CSMD1: variants seen among roughly 807,000 people sequenced by gnomAD.
CSMD1 encodes CUB and Sushi multiple domains 1.
In CSMD1, 213 loss-of-function variants were observed where a neutral mutation model predicts 417.5. The observed-to-expected ratio is 0.51, with a 90% confidence interval of 0.46 to 0.57. The LOEUF (loss-of-function observed/expected upper bound fraction) is 0.57, where lower values mean the gene tolerates loss of function less well. CSMD1 is among the 20% of genes least tolerant of loss of function. CSMD1 has a pLI of 0.00. For synonymous variants in CSMD1, 2,862 were observed against 1,736.8 expected, an observed-to-expected ratio of 1.65 and a Z score of -16.11; for missense variants, 6,923 against 4,529.7, an observed-to-expected ratio of 1.53 and a Z score of -15.17.
chr8:4,727,355 T>G (rs1241137202), intron 1 of CSMD1, among the ~76,000 whole-genome samples: 7 of 152,162 alleles, frequency 4.6e-5, no homozygotes, highest in Non-Finnish European at 1.5e-5. Flanking sequence ...AATAAAATGT[T>G]CACAAAAACA....
chr8:4,765,980 A>G (rs187795884), intron 1 of CSMD1, among the ~76,000 whole-genome samples: 1 of 152,198 alleles, frequency 6.6e-6, no homozygotes, highest in Non-Finnish European at 1.5e-5. Context: ...AAAGATTAAA[A>G]AATGTATTAC....
At chr8:4,328,021 G>A (rs1799654844) in intron 3 of CSMD1, among the ~76,000 whole-genome samples, 1 of 152,186 alleles carries the variant, frequency 6.6e-6, no homozygotes, top group South Asian at 2.1e-4. Flanking sequence ...AATGATAAGA[G>A]GTACTTAGCG....
rs1400537699 is a variant in CSMD1 at position 3,551,810 on chromosome 8, G to A, written c.1344+23135C>T. 2.0e-5 allele frequency among the ~76,000 whole-genome samples: 3 copies of A among 152,088 alleles called. No homozygotes were observed. In the East Asian group the frequency reaches 5.8e-4, roughly 29 times the overall value. ...AATGTGATCATGCTGAGTGTGACAT[G>A]CAGTACCTGCATCAGTCTAGACGTG... On this transcript the variant is annotated intron_variant, in intron 10 of 69. Coordinates refer to ENST00000635120, the MANE Select transcript of CSMD1 (RefSeq NM_033225.6).
chr8:3,737,112 A>G (rs1796560192), intron 6 of CSMD1, among the ~76,000 whole-genome samples: 1 of 152,242 alleles, frequency 6.6e-6, no homozygotes, highest in Admixed American at 6.5e-5. Flanking sequence ...CAATAGTCCC[A>G]TATTATATTT....
At chr8:4,514,611 G>C (rs1447776000) in intron 2 of CSMD1, among the ~76,000 whole-genome samples, 1 of 152,126 alleles carries the variant, frequency 6.6e-6, no homozygotes, top group Non-Finnish European at 1.5e-5. Context: ...CTGTATCTTG[G>C]TTTTTAAAGT....
Position 3,799,604 on chromosome 8 carries a change from G to A in CSMD1, c.819-45562C>T, listed in dbSNP as rs181285617. ...AATACATCAACTTTTCATTGGTACA[G>A]TAAAGAAAGACCCCATTTGGCTTGT... On this transcript the variant is annotated intron_variant, in intron 5 of 69. Coordinates refer to ENST00000635120, the MANE Select transcript of CSMD1 (RefSeq NM_033225.6). Among the ~76,000 whole-genome samples the A allele has an allele frequency of 2.3e-3, 342 of 151,952 alleles. 1 individual carries two copies. The highest frequency in any genetic ancestry group is 3.4e-3 in the Middle Eastern group (1 of 292).
intron 2 of CSMD1, among the ~76,000 whole-genome samples, chr8:4,523,234 G>T (rs972766177): frequency 3.3e-5 from 5 of 152,080 alleles, no homozygotes; most frequent in Admixed American, 2.6e-4. Flanking sequence ...GGGAGCAAGG[G>T]ATATAAAAAC....
intron 49 of CSMD1, among the ~76,000 whole-genome samples, chr8:3,085,442 G>C (rs9314472): frequency 6.6e-6 from 1 of 152,084 alleles, no homozygotes; most frequent in African/African-American, 2.4e-5. Context: ...TCTGAAGGAA[G>C]GTAGTCTAAC....
intron 5 of CSMD1, among the ~76,000 whole-genome samples, chr8:3,918,361 C>A (rs1808976152): frequency 6.6e-6 from 1 of 152,012 alleles, no homozygotes; most frequent in African/African-American, 2.4e-5. Flanking sequence ...CGCATCAACA[C>A]ATATATTTTT....
chr8:3,025,335 G>A (rs1407128112), intron 51 of CSMD1, among the ~76,000 whole-genome samples: 5 of 151,374 alleles, frequency 3.3e-5, no homozygotes, highest in Non-Finnish European at 7.4e-5. Context: ...TGTATTGTGT[G>A]CTGTTATTCT....
chr8:4,560,035 C>G (rs1280684114), intron 2 of CSMD1, among the ~76,000 whole-genome samples: 1 of 152,230 alleles, frequency 6.6e-6, no homozygotes, highest in Admixed American at 6.5e-5. Flanking sequence ...TGACAGACAG[C>G]CTCCACCTGC....
intron 3 of CSMD1, among the ~76,000 whole-genome samples, chr8:4,306,315 C>G (rs1007367098): frequency 1.3e-5 from 2 of 152,156 alleles, no homozygotes; most frequent in African/African-American, 2.4e-5. Context: ...CAGCCCAGCT[C>G]GATCCTTCCA....
chr8:4,113,639 C>G (rs1182886246), intron 3 of CSMD1, among the ~76,000 whole-genome samples: 1 of 152,046 alleles, frequency 6.6e-6, no homozygotes, highest in African/African-American at 2.4e-5. Flanking sequence ...CTCCTGACCT[C>G]CTGATCCACC....
chr8:4,076,092 G>T (rs1185835025), intron 3 of CSMD1, among the ~76,000 whole-genome samples: 2 of 152,106 alleles, frequency 1.3e-5, no homozygotes, highest in South Asian at 4.1e-4. Context: ...TTGAATTGCA[G>T]TTCCCATAAT....
intron 3 of CSMD1, among the ~76,000 whole-genome samples, chr8:4,400,971 C>T (rs1281203923): frequency 6.6e-6 from 1 of 152,052 alleles, no homozygotes; most frequent in Non-Finnish European, 1.5e-5. Flanking sequence ...CTTATATTCC[C>T]TAAGTATTTT....
intron 49 of CSMD1, among the ~76,000 whole-genome samples, chr8:3,083,635 T>C (rs1159613623): frequency 3.2e-5 from 1 of 30,796 alleles, no homozygotes; most frequent in Non-Finnish European, 6.2e-5. Context: ...TATATATATA[T>C]ATATATATAT....
At chr8:3,930,078 T>C (rs1810035253) in intron 5 of CSMD1, among the ~76,000 whole-genome samples, 1 of 150,500 alleles carries the variant, frequency 6.6e-6, no homozygotes, top group South Asian at 2.1e-4. Context: ...AGGCATGTTT[T>C]TCTTCCTTGG....
chr8:4,459,037 C>A (rs1467606953), intron 2 of CSMD1, among the ~76,000 whole-genome samples: 4 of 152,160 alleles, frequency 2.6e-5, no homozygotes, highest in Non-Finnish European at 5.9e-5. Flanking sequence ...CCCCTTATCT[C>A]CAATCTAGGT....
At chr8:3,830,422 T>C (rs1425558093) in intron 5 of CSMD1, among the ~76,000 whole-genome samples, 7 of 152,244 alleles carry the variant, frequency 4.6e-5, no homozygotes, top group South Asian at 2.1e-4. Flanking sequence ...ACCCAGGTTC[T>C]AATTATACGT....
Sources: allele counts gnomAD v4.1 joint callset (sites outside exome capture counted in the v4.1 genomes callset), GRCh38; gene constraint gnomAD v4.1.1; transcripts MANE v1.5; gene names NCBI Gene and HGNC (gene_info 2026-07-23, HGNC 2026-07-21).